The following SCN3A variants were observed in gnomAD, a reference collection of about 807,000 sequenced individuals.
SCN3A encodes the protein sodium channel protein type 3 subunit alpha.
SCN3A carries 60 observed loss-of-function variants against 187.6 expected under a neutral mutation model. The observed-to-expected ratio is 0.32, with a 90% confidence interval of 0.26 to 0.40. The LOEUF is 0.40. Among genes scored for constraint, SCN3A ranks in the 10% least tolerant of loss-of-function variants. The pLI is 1.00. For missense variants in SCN3A, 1,601 were observed against 2,428.2 expected (o/e 0.66, Z 7.16); for synonymous variants, 788 against 829.2 (o/e 0.95, Z 0.85).
At chr2:165,129,482 A>G (rs1268878017) in intron 17 of SCN3A, among the ~76,000 whole-genome samples, 5 of 152,244 alleles carry the variant, frequency 3.3e-5, no homozygotes, top group East Asian at 1.9e-4. Flanking sequence ...AAAATTTGGT[A>G]CTATGCAACC....
At chr2:165,149,179 C>CTTTT (rs11293055) in intron 11 of SCN3A, among the ~76,000 whole-genome samples, 208 of 144,996 alleles carry the variant, frequency 1.4e-3, no homozygotes, top group Non-Finnish European at 2.2e-3. Context: ...CACTTCCAAA[C>CTTTT]TTTTTTTTTT....
intron 4 of SCN3A, among the ~76,000 whole-genome samples, chr2:165,169,286 A>G (rs1689969688): frequency 6.6e-6 from 1 of 152,028 alleles, no homozygotes; most frequent in African/African-American, 2.4e-5. Flanking sequence ...GAATTCTATC[A>G]TAAATAGTAG....
In SCN3A at chr2:165,090,640, T is replaced by C; in HGVS notation, c.5513A>G (p.Asp1838Gly). ...CCGGTCACCACTGACCATGGGCAGA[T>C]CCATGGCAATAAGCTGGACTTTGTT... Reference protein sequence around the residue: ...KPNKVQLIAMDLPMVSGDRIH... With the variant: ...KPNKVQLIAMGLPMVSGDRIH... The change falls in exon 28 of 28, where the codon GAT (aspartate) becomes GGT (glycine). Residue 1838 changes from aspartate (D) to glycine (G), a missense_variant. Transcript: ENST00000283254. This position sits in a 1 kb window ranked among gnomAD's most constrained non-coding sequence, Gnocchi z 4.0. The C allele has an allele frequency of 6.2e-7, 1 of 1,614,074 alleles. No individual in the cohort carries two copies. Among genetic ancestry groups the C allele is most frequent in the Non-Finnish European group, 8.5e-7 (1 of 1,180,012 alleles).
At chr2:165,193,785 G>A (rs1339106959) in intron 1 of SCN3A, among the ~76,000 whole-genome samples, 3 of 152,066 alleles carry the variant, frequency 2.0e-5, no homozygotes, top group Non-Finnish European at 2.9e-5. Flanking sequence ...TGTTATCTGC[G>A]CTCCTTTGAG....
At chr2:165,096,362 T>C (rs1438599940) in intron 24 of SCN3A, 105 bp downstream of exon 24, 1 of 845,132 alleles carries the variant, frequency 1.2e-6, no homozygotes, top group East Asian at 2.5e-5. Flanking sequence ...ATATGCAATA[T>C]TAAATGTTCT....
chr2:165,091,270 A>G lies in SCN3A; in HGVS notation c.4883T>C (p.Ile1628Thr). Residue 1628 changes from isoleucine (I) to threonine (T), a missense_variant, in exon 28 of 28, where the codon ATT (isoleucine) becomes ACT (threonine). By Grantham distance (89) the Ile-to-Thr change is moderately conservative. Around this residue, in one of 11 missense-constraint regions of SCN3A, gnomAD observed 320 missense variants for 623.2 expected, o/e 0.51. Coordinates refer to ENST00000283254, the MANE Select transcript of SCN3A (RefSeq NM_006922.4). ...TTTGATCAGACGTAGGATTCGGCCA[A>G]TCCTGGCAAGACGGATCACTCGGAA... ...TLFRVIRLAR[I>T]GRILRLIKGA... The G allele has an allele frequency of 4.3e-6, 7 of 1,614,136 alleles. No homozygotes were observed. Among genetic ancestry groups the G allele is most frequent in the Non-Finnish European group, 5.9e-6 (7 of 1,180,010 alleles).
At position 165,088,202 on chromosome 2, in the gene SCN3A, G is replaced by T; in HGVS notation, c.*1948C>A. ...ATGACGTAGCTCACCATTCTTTTTA[G>T]CAATAGCAATTCCCTGCATGCAGTT... On this transcript the variant is annotated 3_prime_UTR_variant, in exon 28 of 28. Transcript: ENST00000283254. The T allele has an allele frequency of 6.6e-6, 1 of 152,436 alleles. No homozygotes were observed. Among genetic ancestry groups the T allele is most frequent in the Admixed American group, 6.6e-5 (1 of 15,254 alleles). 9.4% of individuals were successfully genotyped at this position (152,436 alleles called of 1,614,324 possible). A position where few individuals can be genotyped will look rare whatever the true frequency, so the allele number is the denominator to read the frequency against.
At chr2:165,164,032 G>T in intron 6 of SCN3A, 1 of 818,862 alleles carries the variant, frequency 1.2e-6, no homozygotes, top group South Asian at 1.7e-5. Flanking sequence ...ATATGCTAAA[G>T]GTTGCTTTTA....
chr2:165,153,987 A>ATTTTTTTTTTTTTT lies in SCN3A; in HGVS notation c.1380+451_1380+464dup, dbSNP rs71393659. On this transcript the variant is annotated intron_variant, in intron 11 of 27. Coordinates refer to ENST00000283254, the MANE Select transcript of SCN3A (RefSeq NM_006922.4). ...TATCCTGATGTGGGCTATAGCAAAC[A>ATTTTTTTTTTTTTT]TTTTTTTTTTTTTTTTTTTTTGCTA... Among the ~76,000 whole-genome samples the ATTTTTTTTTTTTTT allele has an allele frequency of 5.2e-4, 48 of 92,764 alleles. 4 individuals carry two copies. Among genetic ancestry groups the ATTTTTTTTTTTTTT allele is most frequent in the African/African-American group, 1.2e-3 (25 of 21,278 alleles). The allele number at this position is 92,764 out of a possible 152,430, so 60.9% of individuals were successfully genotyped here.
rs773667659 is a variant in SCN3A, at chr2:165,138,126, A to AAGAGTAGT, written c.2153-10_2153-9insACTACTCT. 70 of 1,591,030 alleles carry AAGAGTAGT rather than the reference A, an allele frequency of 4.4e-5. No individual in the cohort carries two copies. Among genetic ancestry groups the AAGAGTAGT allele is most frequent in the African/African-American group, 4.0e-4 (30 of 74,576 alleles). On this transcript the variant is annotated splice_polypyrimidine_tract_variant and intron_variant, in intron 14 of 27. Coordinates refer to ENST00000283254, the MANE Select transcript of SCN3A (RefSeq NM_006922.4). ...TCTAGATTCTTCAAGTTCTGGAGGG[A>AAGAGTAGT]CAATAACAAGGAAGAGTAGTAAATA...
In SCN3A at chr2:165,154,905, G is replaced by A. The variant is rs147257990; in HGVS notation, c.1174-247C>T. 2.4e-3 allele frequency among the ~76,000 whole-genome samples: 371 copies of A among 152,188 alleles called. 4 individuals carry two copies. In the East Asian group the frequency reaches 0.041, roughly 17 times the overall value. ...TCATATATAGTGGATATATATGTGAGCCCCACTATAATGCTTTTATTAGAG... is the reference window on the plus strand; with the variant it reads ...TCATATATAGTGGATATATATGTGAACCCCACTATAATGCTTTTATTAGAG... On this transcript the variant is annotated intron_variant, in intron 10 of 27. Transcript: ENST00000283254.
intron 21 of SCN3A, among the ~76,000 whole-genome samples, chr2:165,103,761 C>G (rs1316421323): frequency 6.6e-6 from 1 of 151,958 alleles, no homozygotes; most frequent in Non-Finnish European, 1.5e-5. Context: ...TTGAAAATGG[C>G]TAAAGACAAT....
chr2:165,176,279 T>G lies in SCN3A; in HGVS notation c.116A>C (p.Lys39Thr), dbSNP rs774277242. 1 of 1,613,964 alleles carries G rather than the reference T, an allele frequency of 6.2e-7. No homozygotes were observed. Among genetic ancestry groups the G allele is most frequent in the African/African-American group, 1.3e-5 (1 of 74,914 alleles). ...GTTCTCATCATCATTATCTTGTTCC[T>G]TTTTGGGCTTCTTGGCTTTCTCTTC... ...AAEEKAKKPK[K>T]EQDNDDENKP... The change falls in exon 3 of 28, where the codon AAG becomes ACG. Residue 39 changes from lysine to threonine, a missense_variant. Around this residue, in one of 11 missense-constraint regions of SCN3A, gnomAD observed 74 missense variants for 77.7 expected, o/e 0.95. Coordinates refer to ENST00000283254, the MANE Select transcript of SCN3A (RefSeq NM_006922.4).
At chr2:165,170,638 A>C in intron 3 of SCN3A, 90 bp from the exon 4 acceptor site, 1 of 812,308 alleles carries the variant, frequency 1.2e-6, no homozygotes, top group Admixed American at 1.9e-5. Flanking sequence ...AAAAAATAGA[A>C]TTTGTTTGTT....
chr2:165,139,405 T>A lies in SCN3A; in HGVS notation c.2152+71A>T, dbSNP rs1687860179. Reference sequence around the variant, plus strand: ...TCTGGGTAACAGACTTCAGTAATTCTATGAAAAGAAGGAATAGTTCACAAA... The same window carrying A: ...TCTGGGTAACAGACTTCAGTAATTCAATGAAAAGAAGGAATAGTTCACAAA... On this transcript the variant is annotated intron_variant, in intron 14 of 27. Coordinates refer to ENST00000283254, the MANE Select transcript of SCN3A (RefSeq NM_006922.4). The A allele has an allele frequency of 2.5e-6, 4 of 1,604,068 alleles. No individual in the cohort carries two copies. In the Admixed American group the frequency reaches 6.7e-5, roughly 27 times the overall value.
chr2:165,102,588 G>A (rs1365421712), intron 21 of SCN3A, among the ~76,000 whole-genome samples: 1 of 152,150 alleles, frequency 6.6e-6, no homozygotes, highest in Non-Finnish European at 1.5e-5. Context: ...GAAGTCATGA[G>A]TTTAAAGGTT....
At chr2:165,198,997 C>T (rs563884833) in intron 1 of SCN3A, among the ~76,000 whole-genome samples, 8 of 152,030 alleles carry the variant, frequency 5.3e-5, no homozygotes, top group Non-Finnish European at 8.8e-5. Flanking sequence ...AGACCAGAAG[C>T]GCAATGTCAC....
intron 26 of SCN3A, 191 bp downstream of exon 26, chr2:165,094,183 T>C: frequency 1.6e-6 from 1 of 634,696 alleles, no homozygotes; most frequent in South Asian, 1.9e-5. Context: ...TAAAGAACAT[T>C]ACCTCCTTTT....
At chr2:165,164,921 T>C (rs868479510) in intron 5 of SCN3A, among the ~76,000 whole-genome samples, 5 of 152,146 alleles carry the variant, frequency 3.3e-5, no homozygotes, top group African/African-American at 7.2e-5. Flanking sequence ...TATACTGCAT[T>C]TTATTTAAAC....
Sources: allele counts gnomAD v4.1 joint callset (sites outside exome capture counted in the v4.1 genomes callset), GRCh38; gene constraint gnomAD v4.1.1; regional missense constraint gnomAD v4.1.1; non-coding constraint Gnocchi (gnomAD v3.1); transcripts MANE v1.5; gene names NCBI Gene and HGNC (gene_info 2026-07-23, HGNC 2026-07-21).